Variants in WDR33 observed in about 807,000 individuals in gnomAD.
The protein encoded by WDR33 is pre-mRNA 3' end processing protein WDR33.
WDR33 carries 47 observed loss-of-function variants against 164.9 expected under a neutral mutation model. The ratio of observed to expected loss-of-function variants is 0.29; its 90% CI spans 0.23 to 0.36. The LOEUF (loss-of-function observed/expected upper bound fraction) is 0.36. Among genes scored for constraint, WDR33 ranks in the 10% least tolerant of loss-of-function variants. WDR33 has a pLI of 1.00. For synonymous variants in WDR33, 505 were observed against 589.0 expected (o/e 0.86, Z 2.06); for missense variants, 1,137 against 1,754.1 (o/e 0.65, Z 6.28).
chr2:127,737,912 G>T, intron 7 of WDR33: 1 of 1,545,238 alleles, frequency 6.5e-7, no homozygotes. Flanking sequence ...AGCATCAACT[G>T]TAATTTGAAT....
At chr2:127,765,793 T>TA (rs1558944311) in intron 4 of WDR33, among the ~76,000 whole-genome samples, 2,059 of 149,746 alleles carry the variant, frequency 0.014, 53 homozygotes, top group African/African-American at 0.049. Flanking sequence ...CTAAACATAT[T>TA]TAAAAAAAAA....
chr2:127,706,654 G>A lies in WDR33; in HGVS notation c.3782-102C>T. On this transcript the variant is annotated intron_variant, in intron 21 of 21. Coordinates refer to ENST00000322313, the MANE Select transcript of WDR33 (RefSeq NM_018383.5). The surrounding 1 kb of genome is among the most constrained non-coding windows in gnomAD (Gnocchi z 5.1). ...TCTCTGATGACAATGGACCAGTTCT[G>A]GTGGGTGCCAGGGAGACTGGCAGTG... is the stretch of plus-strand genomic sequence containing the variant. 9.2e-7 allele frequency: 1 copy of A among 1,090,382 alleles called. No individual in the cohort carries two copies. The highest frequency in any genetic ancestry group is 1.6e-5 in the South Asian group (1 of 64,156). The allele number at this position is 1,090,382 out of a possible 1,614,324, so 67.5% of individuals were successfully genotyped here.
In WDR33 at chr2:127,763,129, T is replaced by C. The variant is rs1459323359; in HGVS notation, c.657A>G (p.Thr219=). The C allele has an allele frequency of 3.7e-6, 6 of 1,613,974 alleles. No individual in the cohort carries two copies. Among genetic ancestry groups the C allele is most frequent in the East Asian group, 2.2e-5 (1 of 44,880 alleles). ...SFSPTDNKFA[T]CSDDGTVRIW... is the part of the protein sequence containing the mutation. ...TTCTAACAGTGCCGTCATCAGAGCA[T>C]GTAGCAAATTTATTATCCGTGGGTG... The change falls in exon 7 of 22, where the codon ACA becomes ACG. Residue 219 remains threonine, a synonymous_variant. Coordinates refer to ENST00000322313, the MANE Select transcript of WDR33 (RefSeq NM_018383.5). The surrounding 1 kb of genome is among the most constrained non-coding windows in gnomAD (Gnocchi z 4.5).
chr2:127,712,551 C>T lies in WDR33; in HGVS notation c.3308+1032G>A, dbSNP rs972500813. On this transcript the variant is annotated intron_variant, in intron 18 of 21. Transcript: ENST00000322313. This position sits in a 1 kb window ranked among gnomAD's most constrained non-coding sequence, Gnocchi z 4.0. The stretch of plus-strand genomic sequence containing the variant: ...CAGACCTCGGAAAGTCAAGACACTG[C>T]TCTTATTCTGTCTGAATCAGCATAA... Among the ~76,000 whole-genome samples, 2 of 152,234 alleles carry T rather than the reference C, an allele frequency of 1.3e-5. No individual in the cohort carries two copies. The highest frequency in any genetic ancestry group is 4.8e-5 in the African/African-American group (2 of 41,452).
chr2:127,764,698 T>C lies in WDR33; in HGVS notation c.626+130A>G, dbSNP rs375286632. The stretch of plus-strand genomic sequence containing the variant: ...AATGTGTGAAAACAAAGAAAAATAT[T>C]GTGTTTATAGGGTGCAGAAAGTTTC... On this transcript the variant is annotated intron_variant, in intron 6 of 21. Transcript: ENST00000322313. The surrounding 1 kb of genome is among the most constrained non-coding windows in gnomAD (Gnocchi z 6.2). 40 of 1,609,806 alleles carry C rather than the reference T, an allele frequency of 2.5e-5. No homozygotes were observed. The highest frequency in any genetic ancestry group is 3.2e-5 in the Non-Finnish European group (38 of 1,177,736).
chr2:127,752,254 C>A (rs2105417930), intron 7 of WDR33, among the ~76,000 whole-genome samples: 1 of 152,278 alleles, frequency 6.6e-6, no homozygotes, highest in Non-Finnish European at 1.5e-5. Flanking sequence ...AGGATAAAAC[C>A]TGTTCTTACC....
intron 1 of WDR33, among the ~76,000 whole-genome samples, chr2:127,790,456 G>A (rs780798866): frequency 1.3e-5 from 2 of 152,106 alleles, no homozygotes; most frequent in African/African-American, 4.8e-5. Flanking sequence ...AAAATGATTT[G>A]AGAGGTATGC....
In WDR33 at chr2:127,740,257, G is replaced by A. The variant is rs570424372; in HGVS notation, c.725-13480C>T. Reference sequence around the variant, plus strand: ...TAAAGAATGTTAACTCATTTCTAGGGGGACAAAAAATCTACAGGAAAAATG... The same window carrying A: ...TAAAGAATGTTAACTCATTTCTAGGAGGACAAAAAATCTACAGGAAAAATG... On this transcript the variant is annotated intron_variant, in intron 7 of 21. Coordinates refer to ENST00000322313, the MANE Select transcript of WDR33 (RefSeq NM_018383.5). 2.1e-4 allele frequency among the ~76,000 whole-genome samples: 32 copies of A among 152,168 alleles called. No individual in the cohort carries two copies. In the South Asian group the frequency reaches 6.6e-3, roughly 32 times the overall value.
rs545772762 is a variant in WDR33 at position 127,716,237 on chromosome 2, A to T, written c.2869+918T>A. On this transcript the variant is annotated intron_variant, in intron 17 of 21. Transcript: ENST00000322313. The surrounding 1 kb of genome is among the most constrained non-coding windows in gnomAD (Gnocchi z 4.5). ...ACTGAGCATAAATTCACAAAGTCCT[A>T]GGGCTGTAATGCTGACAAGGACTTT... Among the ~76,000 whole-genome samples, 38 of 152,326 alleles carry T rather than the reference A, an allele frequency of 2.5e-4. No individual in the cohort carries two copies. Among genetic ancestry groups the T allele is most frequent in the African/African-American group, 8.9e-4 (37 of 41,572 alleles).
rs114871774 is a variant in WDR33, at chr2:127,712,159, G to A, written c.3308+1424C>T. On this transcript the variant is annotated intron_variant, in intron 18 of 21. Coordinates refer to ENST00000322313, the MANE Select transcript of WDR33 (RefSeq NM_018383.5). The surrounding 1 kb of genome is among the most constrained non-coding windows in gnomAD (Gnocchi z 4.0). ...GCCTATAATCCCTGCACTCTGGGGG[G>A]GCTGAAGAACGTGGATCACTTGAGG... 7.2e-5 allele frequency among the ~76,000 whole-genome samples: 11 copies of A among 152,144 alleles called. No homozygotes were observed. The South Asian group carries it at 1.2e-3, about 17-fold the overall frequency.
chr2:127,784,798 T>C (rs1038860069), intron 1 of WDR33, among the ~76,000 whole-genome samples: 1 of 152,236 alleles, frequency 6.6e-6, no homozygotes, highest in East Asian at 1.9e-4. Context: ...GCACTGACCA[T>C]CTGGAAAATA....
In WDR33 at chr2:127,705,924, A is replaced by G. The variant is rs533491596; in HGVS notation, c.*399T>C. 1.7e-4 allele frequency: 30 copies of G among 175,276 alleles called. No homozygotes were observed. The highest frequency in any genetic ancestry group is 6.2e-4 in the East Asian group (4 of 6,440). 10.9% of individuals were successfully genotyped at this position (175,276 alleles called of 1,614,324 possible). A position where few individuals can be genotyped will look rare whatever the true frequency, so the allele number is the denominator to read the frequency against. On this transcript the variant is annotated 3_prime_UTR_variant, in exon 22 of 22. Coordinates refer to ENST00000322313, the MANE Select transcript of WDR33 (RefSeq NM_018383.5). The surrounding 1 kb of genome is among the most constrained non-coding windows in gnomAD (Gnocchi z 4.5). ...GCACTTCACAACTAGTTTTCTGTCA[A>G]TTCTTGCGTAAATCACATTCTGTAT...
chr2:127,744,596 G>A (rs559257580), intron 7 of WDR33, among the ~76,000 whole-genome samples: 27 of 152,294 alleles, frequency 1.8e-4, no homozygotes, highest in African/African-American at 6.5e-4. Flanking sequence ...CTCTGGATGT[G>A]AAATTGGGAA....
At chr2:127,752,547 G>A (rs112219799) in intron 7 of WDR33, among the ~76,000 whole-genome samples, 11 of 142,620 alleles carry the variant, frequency 7.7e-5, no homozygotes, top group African/African-American at 2.6e-4. Context: ...CCGAGATTGC[G>A]CCACTGCAGT....
In WDR33 at chr2:127,726,210, G is replaced by T. The variant is rs777838745; in HGVS notation, c.851+441C>A. Reference sequence around the variant, plus strand: ...GAAAACTAGATTACATAGCTGCATCGTAAGTAAGCCCATCAGACAAAAAAT... The same window carrying T: ...GAAAACTAGATTACATAGCTGCATCTTAAGTAAGCCCATCAGACAAAAAAT... On this transcript the variant is annotated intron_variant, in intron 8 of 21. Transcript: ENST00000322313. This position sits in a 1 kb window ranked among gnomAD's most constrained non-coding sequence, Gnocchi z 4.8. Among the ~76,000 whole-genome samples the T allele has an allele frequency of 6.6e-6, 1 of 152,194 alleles. No homozygotes were observed. The highest frequency in any genetic ancestry group is 2.4e-5 in the African/African-American group (1 of 41,454).
chr2:127,765,943 T>A (rs1343973294), intron 4 of WDR33, among the ~76,000 whole-genome samples: 1 of 152,168 alleles, frequency 6.6e-6, no homozygotes, highest in South Asian at 2.1e-4. Context: ...TACACATAGA[T>A]GTATATATTT....
rs1361536039 is a variant in WDR33, at chr2:127,726,903, G to T, written c.725-126C>A. The T allele has an allele frequency of 3.1e-6, 4 of 1,283,046 alleles. No homozygotes were observed. The highest frequency in any genetic ancestry group is 4.3e-6 in the Non-Finnish European group (4 of 932,122). 79.5% of individuals were successfully genotyped at this position (1,283,046 alleles called of 1,614,324 possible). A position where few individuals can be genotyped will look rare whatever the true frequency, so the allele number is the denominator to read the frequency against. ...TCAGTCAACTTAAAACTTGTTTTGT[G>T]AAGACTCTTTGGCCTCTGTGTGTCT... On this transcript the variant is annotated intron_variant, in intron 7 of 21. Transcript: ENST00000322313. This position sits in a 1 kb window ranked among gnomAD's most constrained non-coding sequence, Gnocchi z 4.8.
In WDR33 at chr2:127,702,615, T is replaced by G. The variant is rs1685922316; in HGVS notation, c.*3708A>C. 6.0e-6 allele frequency: 1 copy of G among 167,374 alleles called. No homozygotes were observed. Among genetic ancestry groups the G allele is most frequent in the Non-Finnish European group, 1.5e-5 (1 of 68,334 alleles). 10.4% of individuals were successfully genotyped at this position (167,374 alleles called of 1,614,324 possible). A position where few individuals can be genotyped will look rare whatever the true frequency, so the allele number is the denominator to read the frequency against. ...CGGTAGTTTTTTGTTTTGGCTATAC[T>G]AAGACTTGGAAATTATTCTCTCCAG... On this transcript the variant is annotated 3_prime_UTR_variant, in exon 22 of 22. Coordinates refer to ENST00000322313, the MANE Select transcript of WDR33 (RefSeq NM_018383.5).
At chr2:127,791,397 T>C (rs1392505222) in intron 1 of WDR33, among the ~76,000 whole-genome samples, 1 of 152,122 alleles carries the variant, frequency 6.6e-6, no homozygotes, top group Non-Finnish European at 1.5e-5. Context: ...ACTGGGTGGC[T>C]TTAAACCACA....
Sources: allele counts gnomAD v4.1 joint callset (sites outside exome capture counted in the v4.1 genomes callset), GRCh38; gene constraint gnomAD v4.1.1; non-coding constraint Gnocchi (gnomAD v3.1); transcripts MANE v1.5; gene names NCBI Gene and HGNC (gene_info 2026-07-23, HGNC 2026-07-21).